ANKRD27: variants seen among roughly 807,000 people sequenced by gnomAD.
ANKRD27 encodes the protein ankyrin repeat domain 27, also known as ankyrin repeat domain-containing protein 27.
A neutral mutation model predicts 129.7 loss-of-function variants in ANKRD27; 112 were observed. The observed-to-expected ratio is 0.86, with a 90% CI of 0.74 to 1.01. ANKRD27 has a LOEUF of 1.01. Among genes scored for constraint, ANKRD27 ranks in the 50% least tolerant of loss-of-function variants. The pLI is 0.00. For synonymous variants in ANKRD27, 516 were observed against 511.2 expected (o/e 1.01, Z -0.13); for missense variants, 1,258 against 1,300.5 (o/e 0.97, Z 0.50).
intron 1 of ANKRD27, among the ~76,000 whole-genome samples, chr19:32,665,960 G>A (rs138369196): frequency 0.022 from 3,407 of 152,096 alleles, 143 homozygotes; most frequent in African/African-American, 0.078. Flanking sequence ...TAGAGACGGG[G>A]TTTCGCCATG....
At chr19:32,625,565 G>C (rs747654844) in intron 17 of ANKRD27, among the ~76,000 whole-genome samples, 1 of 151,572 alleles carries the variant, frequency 6.6e-6, no homozygotes, top group Non-Finnish European at 1.5e-5. Context: ...TGAGTCGCTG[G>C]GATTACAGGT....
chr19:32,598,132 C>T lies in ANKRD27; in HGVS notation c.*13G>A, dbSNP rs1971596395. On this transcript the variant is annotated 3_prime_UTR_variant, in exon 29 of 29. Transcript: ENST00000306065. ...TGCTTCCTAGCAGTGGGTTCAACAA[C>T]TCCTCATTCCTGTTAGGACCGGGAA... is the stretch of plus-strand genomic sequence containing the variant. The T allele has an allele frequency of 6.2e-7, 1 of 1,611,484 alleles. No individual in the cohort carries two copies. The highest frequency in any genetic ancestry group is 8.5e-7 in the Non-Finnish European group (1 of 1,177,848).
rs771644300 is a variant in ANKRD27, at chr19:32,622,619, A to G, written c.1630T>C (p.Cys544Arg). Residue 544 changes from cysteine to arginine, a missense_variant and splice_region_variant, in exon 18 of 29, where the codon TGT becomes CGT. Physicochemically the swap from Cys to Arg is radical, Grantham distance 180. Transcript: ENST00000306065. The part of the protein sequence containing the change: ...HLACTYGHED[C>R]VKALVYYDVE... Reference sequence around the variant, plus strand: ...TCGTAGTAAACCAGAGCCTTCACACACTGCAAAGAGATGGGGAAATGGCAT... The same window carrying G: ...TCGTAGTAAACCAGAGCCTTCACACGCTGCAAAGAGATGGGGAAATGGCAT... 9.9e-6 allele frequency: 16 copies of G among 1,613,172 alleles called. No individual in the cohort carries two copies. Among genetic ancestry groups the G allele is most frequent in the East Asian group, 4.5e-5 (2 of 44,872 alleles).
chr19:32,609,669 A>C (rs1487240842), intron 22 of ANKRD27, among the ~76,000 whole-genome samples: 1 of 133,480 alleles, frequency 7.5e-6, no homozygotes, highest in African/African-American at 2.7e-5. Flanking sequence ...TGGGGGGGTC[A>C]TAGTGGGGGG....
rs1971580442 is a variant in ANKRD27, at chr19:32,597,091, T to A, written c.*1054A>T. 6.6e-6 allele frequency: 1 copy of A among 152,406 alleles called. No individual in the cohort carries two copies. Among genetic ancestry groups the A allele is most frequent in the Non-Finnish European group, 1.5e-5 (1 of 67,994 alleles). 9.4% of individuals were successfully genotyped at this position (152,406 alleles called of 1,614,324 possible). A position where few individuals can be genotyped will look rare whatever the true frequency, so the allele number is the denominator to read the frequency against. On this transcript the variant is annotated 3_prime_UTR_variant, in exon 29 of 29. Coordinates refer to ENST00000306065, the MANE Select transcript of ANKRD27 (RefSeq NM_032139.3). ...AGAAAATTAGAAATCATAAATTACT[T>A]TGTAGAAAAATAATCCCTCCCTTCC...
At chr19:32,659,557 A>G (rs1375288148) in intron 1 of ANKRD27, among the ~76,000 whole-genome samples, 1 of 152,130 alleles carries the variant, frequency 6.6e-6, no homozygotes, top group African/African-American at 2.4e-5. Context: ...GTTAAACTCC[A>G]AGTCTTGGCT....
chr19:32,637,590 C>T (rs896262163), intron 12 of ANKRD27: 4 of 152,332 alleles, frequency 2.6e-5, no homozygotes, highest in Non-Finnish European at 4.4e-5. Flanking sequence ...GGTTTGTGCA[C>T]TCTGCAGGGC....
intron 1 of ANKRD27, among the ~76,000 whole-genome samples, chr19:32,666,103 A>G (rs1239218679): frequency 1.3e-5 from 2 of 152,210 alleles, no homozygotes; most frequent in East Asian, 1.9e-4. Context: ...CATACATGGT[A>G]TATCTTTCCA....
chr19:32,626,629 G>A (rs955862150), intron 16 of ANKRD27, 83 bp downstream of exon 16: 1 of 1,043,714 alleles, frequency 9.6e-7, no homozygotes, highest in Non-Finnish European at 1.4e-6. Context: ...GTGCAGGGTA[G>A]CCAGCATGAC....
At chr19:32,641,682 T>C (rs1428391326) in intron 10 of ANKRD27, among the ~76,000 whole-genome samples, 2 of 151,086 alleles carry the variant, frequency 1.3e-5, no homozygotes, top group African/African-American at 4.9e-5. Flanking sequence ...TTTCATTCCA[T>C]ACACTCAGGA....
chr19:32,625,579 C>T (rs890700059), intron 17 of ANKRD27, among the ~76,000 whole-genome samples: 44 of 151,796 alleles, frequency 2.9e-4, no homozygotes, highest in Non-Finnish European at 5.2e-4. Flanking sequence ...TACAGGTGCC[C>T]GCCACCACGC....
intron 22 of ANKRD27, among the ~76,000 whole-genome samples, 187 bp downstream of exon 22, chr19:32,615,471 C>A (rs1971901157): frequency 6.6e-6 from 1 of 152,122 alleles, no homozygotes; most frequent in South Asian, 2.1e-4. Context: ...GTGGTCTCAG[C>A]TAGTCAGGAC....
intron 18 of ANKRD27, among the ~76,000 whole-genome samples, chr19:32,621,768 G>A (rs577591204): frequency 6.6e-6 from 1 of 152,136 alleles, no homozygotes; most frequent in South Asian, 2.1e-4. Flanking sequence ...GTCCATGCTG[G>A]GGTCTCCATT....
chr19:32,629,890 A>G (rs1023461167), intron 13 of ANKRD27, among the ~76,000 whole-genome samples: 70 of 147,576 alleles, frequency 4.7e-4, no homozygotes, highest in African/African-American at 1.7e-3. Context: ...ACAGGGTGAC[A>G]AATAACAGAA....
In ANKRD27 at chr19:32,646,498, G is replaced by T. The variant is rs1470026293; in HGVS notation, c.331C>A (p.Leu111Met). 15 of 1,614,046 alleles carry T rather than the reference G, an allele frequency of 9.3e-6. No homozygotes were observed. In the Admixed American group the frequency reaches 1.2e-4, roughly 13 times the overall value. ...TTTTCCAAAGGATGGGCTATACACA[G>T]GATGCTGAAACTCTCTTCTTTTTCA... ...YNEKEESFSI[L>M]CIAHPLEKRE... is the part of the protein sequence containing the mutation. Residue 111 changes from leucine to methionine, a missense_variant, in exon 4 of 29, where the codon CTG becomes ATG. By Grantham distance (15) the Leu-to-Met change is conservative (BLOSUM62 2). Transcript: ENST00000306065.
At chr19:32,646,245 T>A (rs1435682050) in intron 4 of ANKRD27, among the ~76,000 whole-genome samples, 3 of 151,898 alleles carry the variant, frequency 2.0e-5, no homozygotes, top group Non-Finnish European at 2.9e-5. Flanking sequence ...TTTTTTTAAT[T>A]TTTTTATAGA....
At chr19:32,650,913 A>ATT (rs5827815) in intron 2 of ANKRD27, among the ~76,000 whole-genome samples, 46 of 148,800 alleles carry the variant, frequency 3.1e-4, no homozygotes, top group African/African-American at 3.7e-4. Flanking sequence ...CATGACCAGC[A>ATT]TTTTTTTTTT....
intron 17 of ANKRD27, 110 bp from the exon 18 acceptor site, chr19:32,622,729 CAG>C: frequency 5.2e-6 from 5 of 964,724 alleles, no homozygotes; most frequent in Non-Finnish European, 6.5e-6. Context: ...AGACAGAACT[CAG>C]AAGTGTCACA....
In ANKRD27 at chr19:32,619,491, T is replaced by C; in HGVS notation, c.1887+3A>G. 6.2e-7 allele frequency: 1 copy of C among 1,614,064 alleles called. No individual in the cohort carries two copies. The highest frequency in any genetic ancestry group is 8.5e-7 in the Non-Finnish European group (1 of 1,179,992). On this transcript the variant is annotated splice_donor_region_variant and intron_variant, in intron 19 of 28. Coordinates refer to ENST00000306065, the MANE Select transcript of ANKRD27 (RefSeq NM_032139.3). ...CCTGACCTGCTCAGCCCGGCTGACT[T>C]ACCTCGGACGACTTCTGCCTCCTCT...
Sources: gnomAD v4.1 joint callset for allele counts (sites outside exome capture counted in the v4.1 genomes callset) on GRCh38, gnomAD v4.1.1 for gene constraint, MANE v1.5 for transcripts, NCBI Gene and HGNC (gene_info 2026-07-23, HGNC 2026-07-21) for gene names.